SLC17A8: variants seen among roughly 807,000 people sequenced by gnomAD.
SLC17A8 encodes the protein vesicular glutamate transporter 3.
Under a neutral mutation model 58.0 loss-of-function variants are expected in SLC17A8, and 31 were observed. The ratio of observed to expected loss-of-function variants is 0.53; its 90% CI spans 0.40 to 0.72. The LOEUF (loss-of-function observed/expected upper bound fraction) is 0.72, where lower values mean the gene tolerates loss of function less well. SLC17A8 is among the 30% of genes least tolerant of loss of function. The pLI, the probability that SLC17A8 is intolerant of heterozygous loss-of-function variation, is 0.00. For synonymous variants in SLC17A8, 228 were observed against 249.0 expected (o/e 0.92, Z 0.79); for missense variants, 655 against 727.8 (o/e 0.90, Z 1.15).
intron 9 of SLC17A8, among the ~76,000 whole-genome samples, chr12:100,408,220 A>G (rs1952840630): frequency 6.6e-6 from 1 of 152,206 alleles, no homozygotes; most frequent in Non-Finnish European, 1.5e-5. Flanking sequence ...ATAGATTTTA[A>G]TATGCCATTA....
chr12:100,382,790 A>T (rs1432231552), intron 2 of SLC17A8, among the ~76,000 whole-genome samples: 3 of 152,232 alleles, frequency 2.0e-5, no homozygotes, highest in Non-Finnish European at 4.4e-5. Flanking sequence ...ATCTATTAGC[A>T]TCATCTGGCA....
At chr12:100,373,849 A>G (rs1952575815) in intron 1 of SLC17A8, among the ~76,000 whole-genome samples, 1 of 152,082 alleles carries the variant, frequency 6.6e-6, no homozygotes, top group African/African-American at 2.4e-5. Context: ...TCAGCCTTCC[A>G]AAGTGCTCAG....
intron 1 of SLC17A8, among the ~76,000 whole-genome samples, chr12:100,361,965 A>C (rs954282922): frequency 6.6e-6 from 1 of 151,972 alleles, no homozygotes; most frequent in Non-Finnish European, 1.5e-5. Flanking sequence ...CATCTCCAAA[A>C]AAAACAAAAC....
At chr12:100,399,397 G>A (rs989886997) in intron 5 of SLC17A8, among the ~76,000 whole-genome samples, 2 of 152,146 alleles carry the variant, frequency 1.3e-5, no homozygotes, top group Non-Finnish European at 2.9e-5. Context: ...TAGAAAAGAA[G>A]GGTAGTTTAG....
At chr12:100,377,525 T>C (rs1383063608) in intron 1 of SLC17A8, among the ~76,000 whole-genome samples, 1 of 150,156 alleles carries the variant, frequency 6.7e-6, no homozygotes, top group Non-Finnish European at 1.5e-5. Flanking sequence ...AGCTCCTCAG[T>C]TGGACATAGA....
At chr12:100,404,501 T>TTCACACACACAC in intron 9 of SLC17A8, 2 of 220,446 alleles carry the variant, frequency 9.1e-6, no homozygotes, top group Non-Finnish European at 9.2e-6. Flanking sequence ...ATGGGATATA[T>TTCACACACACAC]GCACACACAC....
At chr12:100,370,780 C>A (rs921067830) in intron 1 of SLC17A8, among the ~76,000 whole-genome samples, 7 of 152,052 alleles carry the variant, frequency 4.6e-5, no homozygotes, top group Admixed American at 2.0e-4. Flanking sequence ...ATCTAATGAT[C>A]CCTGCTGAGG....
At chr12:100,402,897 T>G in intron 8 of SLC17A8, 152 bp downstream of exon 8, 2 of 768,068 alleles carry the variant, frequency 2.6e-6, no homozygotes, top group South Asian at 3.8e-5. Context: ...AGTTATACAT[T>G]CTATGCATAG....
intron 1 of SLC17A8, among the ~76,000 whole-genome samples, chr12:100,378,145 G>A (rs565258474): frequency 3.3e-5 from 5 of 152,214 alleles, no homozygotes; most frequent in African/African-American, 9.6e-5. Flanking sequence ...CAAGAGACCC[G>A]AGAATGGAGT....
intron 3 of SLC17A8, 101 bp downstream of exon 3, chr12:100,391,220 A>G: frequency 1.2e-6 from 1 of 804,990 alleles, no homozygotes; most frequent in South Asian, 1.4e-5. Context: ...CAGAATGAAA[A>G]ACAGGAGCCA....
chr12:100,415,608 T>C (rs888763444), intron 10 of SLC17A8, among the ~76,000 whole-genome samples: 3 of 151,926 alleles, frequency 2.0e-5, no homozygotes, highest in African/African-American at 7.2e-5. Flanking sequence ...ATATATATAT[T>C]TTTTCGAGAC....
At chr12:100,360,366 G>T (rs1036371681) in intron 1 of SLC17A8, among the ~76,000 whole-genome samples, 2 of 152,164 alleles carry the variant, frequency 1.3e-5, no homozygotes, top group African/African-American at 2.4e-5. Context: ...TGACAAAACA[G>T]TATCTTTCAG....
rs1371605425 is a variant in SLC17A8 at position 100,404,185 on chromosome 12, A to T, written c.1186+15A>T. On this transcript the variant is annotated intron_variant, in intron 9 of 11. Transcript: ENST00000323346. ...GAACTGTGGAGGTACTGTGGATTTC[A>T]TAGATGGCTTAGGCAGCTTTTGTAG... is the stretch of plus-strand genomic sequence containing the variant. 1.2e-6 allele frequency: 2 copies of T among 1,614,010 alleles called. No homozygotes were observed. Among genetic ancestry groups the T allele is most frequent in the Non-Finnish European group, 1.7e-6 (2 of 1,180,000 alleles).
At chr12:100,413,347 A>T (rs1952883933) in intron 10 of SLC17A8, among the ~76,000 whole-genome samples, 1 of 152,050 alleles carries the variant, frequency 6.6e-6, no homozygotes, top group Non-Finnish European at 1.5e-5. Flanking sequence ...CATTGCTTTC[A>T]TTTTCCAAAC....
At chr12:100,376,831 A>T (rs1050646862) in intron 1 of SLC17A8, among the ~76,000 whole-genome samples, 1 of 151,702 alleles carries the variant, frequency 6.6e-6, no homozygotes, top group Non-Finnish European at 1.5e-5. Flanking sequence ...TTTTTTTGAG[A>T]TGGAGTCTCA....
At chr12:100,375,431 C>T (rs1163951584) in intron 1 of SLC17A8, among the ~76,000 whole-genome samples, 2 of 152,130 alleles carry the variant, frequency 1.3e-5, no homozygotes, top group African/African-American at 4.8e-5. Context: ...GACATTTTGG[C>T]ATGGCCAGTG....
rs774930645 is a variant in SLC17A8, at chr12:100,402,588, C to T, written c.904-8C>T. The T allele has an allele frequency of 6.2e-7, 1 of 1,613,578 alleles. No homozygotes were observed. Among genetic ancestry groups the T allele is most frequent in the South Asian group, 1.1e-5 (1 of 90,980 alleles). ...TACTAAAAATATCATGGTATTTTTACTCCCTAGAAATTTAGTACCCCATGG... is the reference window on the plus strand; with the variant it reads ...TACTAAAAATATCATGGTATTTTTATTCCCTAGAAATTTAGTACCCCATGG... On this transcript the variant is annotated splice_region_variant and splice_polypyrimidine_tract_variant and intron_variant, in intron 7 of 11. Coordinates refer to ENST00000323346, the MANE Select transcript of SLC17A8 (RefSeq NM_139319.3).
intron 9 of SLC17A8, among the ~76,000 whole-genome samples, chr12:100,411,298 T>G (rs1395761200): frequency 6.6e-6 from 1 of 151,984 alleles, no homozygotes; most frequent in East Asian, 1.9e-4. Context: ...CTGGCCAACA[T>G]GGTGAAACCC....
intron 9 of SLC17A8, among the ~76,000 whole-genome samples, chr12:100,408,566 G>A (rs189217739): frequency 1.4e-3 from 216 of 152,252 alleles, no homozygotes; most frequent in African/African-American, 5.0e-3. Flanking sequence ...ATGCAGCCCT[G>A]TCTCTAGTAT....
Sources: gnomAD v4.1 joint callset for allele counts (sites outside exome capture counted in the v4.1 genomes callset) on GRCh38, gnomAD v4.1.1 for gene constraint, MANE v1.5 for transcripts, NCBI Gene and HGNC (gene_info 2026-07-23, HGNC 2026-07-21) for gene names.